The following LAMA4 variants were observed in gnomAD, a reference collection of about 807,000 sequenced individuals.
LAMA4 encodes laminin subunit alpha-4.
In LAMA4, 127 loss-of-function variants were observed where a neutral mutation model predicts 207.1. The observed-to-expected ratio is 0.61, with a 90% CI of 0.53 to 0.71. The LOEUF (loss-of-function observed/expected upper bound fraction) is 0.71, where lower values mean the gene tolerates loss of function less well. Ranked by LOEUF, LAMA4 falls within the 30% of genes least tolerant of loss-of-function variation. LAMA4 has a pLI of 0.00. For missense variants in LAMA4, 2,093 were observed against 2,246.5 expected (o/e 0.93, Z 1.38); for synonymous variants, 761 against 816.0 (o/e 0.93, Z 1.15).
chr6:112,150,342 CT>C, intron 17 of LAMA4, 168 bp downstream of exon 17: 2 of 685,924 alleles, frequency 2.9e-6, no homozygotes, highest in Non-Finnish European at 5.3e-6. Context: ...TTAGTTTCTT[CT>C]TTTTGTTTTC....
chr6:112,138,228 G>A (rs990455068), intron 24 of LAMA4, among the ~76,000 whole-genome samples: 6 of 152,108 alleles, frequency 3.9e-5, no homozygotes, highest in Non-Finnish European at 7.4e-5. Context: ...TTAGAAAAAA[G>A]GAAATACACC....
intron 2 of LAMA4, among the ~76,000 whole-genome samples, chr6:112,248,227 G>A (rs1490854499): frequency 6.6e-6 from 1 of 152,126 alleles, no homozygotes; most frequent in African/African-American, 2.4e-5. Context: ...ATGGCCAGGT[G>A]CAGTGGCTCA....
chr6:112,173,002 G>C (rs1781813958), intron 11 of LAMA4, among the ~76,000 whole-genome samples, 198 bp from the exon 12 acceptor site: 1 of 152,158 alleles, frequency 6.6e-6, no homozygotes, highest in African/African-American at 2.4e-5. Context: ...GGAGTCCCTG[G>C]ATAACTGTCA....
At chr6:112,140,165 TG>T (rs1779605797) in intron 22 of LAMA4, among the ~76,000 whole-genome samples, 1 of 152,210 alleles carries the variant, frequency 6.6e-6, no homozygotes, top group Non-Finnish European at 1.5e-5. Context: ...GCGCCAGCTT[TG>T]TTAGGTAGGT....
chr6:112,176,134 G>A (rs1266966545), intron 10 of LAMA4, among the ~76,000 whole-genome samples: 1 of 152,128 alleles, frequency 6.6e-6, no homozygotes, highest in African/African-American at 2.4e-5. Flanking sequence ...CTTCTAGAGC[G>A]TGACTACTCT....
chr6:112,228,566 A>G (rs1197192089), intron 2 of LAMA4, among the ~76,000 whole-genome samples: 1 of 152,182 alleles, frequency 6.6e-6, no homozygotes, highest in Non-Finnish European at 1.5e-5. Flanking sequence ...TGGAGAGGCC[A>G]TAAAAGCTAG....
chr6:112,161,943 G>C (rs1356233901), intron 13 of LAMA4: 1 of 152,232 alleles, frequency 6.6e-6, no homozygotes, highest in Non-Finnish European at 1.5e-5. Flanking sequence ...GGGTCTCATG[G>C]GCCATGACAA....
At chr6:112,221,962 A>G (rs192722374) in intron 2 of LAMA4, among the ~76,000 whole-genome samples, 18 of 152,374 alleles carry the variant, frequency 1.2e-4, no homozygotes, top group African/African-American at 4.1e-4. Flanking sequence ...CAGTAAAAAT[A>G]AAATATGGAA....
In LAMA4 at chr6:112,134,550, G is replaced by C; in HGVS notation, c.3474C>G (p.Val1158=). The change falls in exon 26 of 39, where the codon GTC becomes GTG. Residue 1158 remains valine (V), a synonymous_variant. Coordinates refer to ENST00000230538, the MANE Select transcript of LAMA4 (RefSeq NM_001105206.3). ...KMILVVDRRH[V]KSMDNEKMKI... is the part of the protein sequence containing the mutation. ...TCATCTTTTCATTATCCATGCTCTT[G>C]ACATGCCTTCTGTCAACTACCAAGA... 6.2e-7 allele frequency: 1 copy of C among 1,611,436 alleles called. No individual in the cohort carries two copies. Among genetic ancestry groups the C allele is most frequent in the Non-Finnish European group, 8.5e-7 (1 of 1,177,916 alleles).
chr6:112,164,807 A>C lies in LAMA4; in HGVS notation c.1668+353T>G, dbSNP rs561943578. 1.7e-3 allele frequency among the ~76,000 whole-genome samples: 257 copies of C among 152,308 alleles called. 2 individuals are homozygous for C. The highest frequency in any genetic ancestry group is 6.1e-3 in the African/African-American group (253 of 41,568). ...GGATCGAGAGCAGCATTTTCAATAG[A>C]ACTCTCTGCAAGAAGTTCCACTATA... On this transcript the variant is annotated intron_variant, in intron 13 of 38. Coordinates refer to ENST00000230538, the MANE Select transcript of LAMA4 (RefSeq NM_001105206.3).
At chr6:112,130,294 T>A (rs1422697746) in intron 29 of LAMA4, 3 of 503,364 alleles carry the variant, frequency 6.0e-6, no homozygotes, top group African/African-American at 2.3e-5. Context: ...GTCATCAGCA[T>A]TATTTTTGTG....
intron 2 of LAMA4, among the ~76,000 whole-genome samples, chr6:112,229,107 G>T (rs1301825580): frequency 6.6e-6 from 1 of 152,178 alleles, no homozygotes; most frequent in African/African-American, 2.4e-5. Context: ...AACTAGGATG[G>T]TTTTAAATCC....
chr6:112,189,269 T>G, intron 6 of LAMA4, 64 bp from the exon 7 acceptor site: 1 of 1,155,762 alleles, frequency 8.7e-7, no homozygotes, highest in Admixed American at 1.8e-5. Context: ...TGGCAATATT[T>G]TCCTGGTTTC....
At chr6:112,198,483 A>T (rs1295044313) in intron 5 of LAMA4, among the ~76,000 whole-genome samples, 1 of 152,192 alleles carries the variant, frequency 6.6e-6, no homozygotes, top group Non-Finnish European at 1.5e-5. Flanking sequence ...TGGCTGTTCA[A>T]GCAGAAACCC....
chr6:112,231,378 T>A (rs1487650400), intron 2 of LAMA4, among the ~76,000 whole-genome samples: 2 of 152,182 alleles, frequency 1.3e-5, no homozygotes, highest in Non-Finnish European at 2.9e-5. Flanking sequence ...TATCAGATAG[T>A]CCTCAGAGAC....
intron 5 of LAMA4, among the ~76,000 whole-genome samples, chr6:112,199,400 T>G (rs1205641794): frequency 1.3e-5 from 2 of 151,728 alleles, no homozygotes; most frequent in Non-Finnish European, 2.9e-5. Flanking sequence ...TAAATTGAAT[T>G]TAACCTCAGA....
intron 2 of LAMA4, among the ~76,000 whole-genome samples, chr6:112,244,300 A>G (rs1275942781): frequency 6.6e-6 from 1 of 152,058 alleles, no homozygotes; most frequent in African/African-American, 2.4e-5. Context: ...AGAAACTCCC[A>G]CCAGCACCGT....
chr6:112,158,735 C>A lies in LAMA4; in HGVS notation c.1814G>T (p.Ser605Ile). The part of the protein sequence containing the change: ...QDLQQEANEL[S>I]RKLHSSDMNG... ...ATTTCTAAAACCAGGATATTACCTG[C>A]TCAATTCATTAGCTTCTTGTTGAAG... Residue 605 changes from serine to isoleucine, a missense_variant, in exon 14 of 39, where the codon AGC (serine) becomes ATC (isoleucine). Transcript: ENST00000230538. The A allele has an allele frequency of 6.2e-7, 1 of 1,613,332 alleles. No individual in the cohort carries two copies. Among genetic ancestry groups the A allele is most frequent in the Non-Finnish European group, 8.5e-7 (1 of 1,179,346 alleles).
At chr6:112,213,597 T>C (rs1156286395) in intron 3 of LAMA4, 1 of 155,572 alleles carries the variant, frequency 6.4e-6, no homozygotes, top group Non-Finnish European at 1.4e-5. Flanking sequence ...TTTGAAAGAT[T>C]AGTGTTCCAC....
Sources: allele counts gnomAD v4.1 joint callset (sites outside exome capture counted in the v4.1 genomes callset), GRCh38; gene constraint gnomAD v4.1.1; transcripts MANE v1.5; gene names NCBI Gene and HGNC (gene_info 2026-07-23, HGNC 2026-07-21).